Variants in SGCD observed in about 807,000 individuals in gnomAD.
The protein encoded by SGCD is sarcoglycan delta.
Under a neutral mutation model 36.6 loss-of-function variants are expected in SGCD, and 18 were observed. That is an observed-to-expected ratio of 0.49 (90% confidence interval 0.34 to 0.73). The LOEUF is 0.73. Among genes scored for constraint, SGCD ranks in the 30% least tolerant of loss-of-function variants. SGCD has a pLI of 0.01. For missense variants in SGCD, 387 were observed against 346.7 expected (o/e 1.12, Z -0.92); for synonymous variants, 133 against 130.6 (o/e 1.02, Z -0.12).
chr5:156,421,447 A>G (rs1320711992), intron 3 of SGCD, among the ~76,000 whole-genome samples: 1 of 152,100 alleles, frequency 6.6e-6, no homozygotes, highest in African/African-American at 2.4e-5. Context: ...TGTAAACTGG[A>G]TGCAAACAGG....
intron 3 of SGCD, among the ~76,000 whole-genome samples, chr5:156,306,109 G>A (rs188530322): frequency 4.1e-4 from 62 of 152,296 alleles, no homozygotes; most frequent in African/African-American, 1.4e-3. Flanking sequence ...GGGACTGTTG[G>A]GAAGGCATGA....
chr5:155,916,146 A>T (rs1327210311), intron 1 of SGCD, among the ~76,000 whole-genome samples: 1 of 152,202 alleles, frequency 6.6e-6, no homozygotes, highest in Admixed American at 6.5e-5. Flanking sequence ...AAAGAAAGTA[A>T]GTAATGTTTT....
chr5:156,399,769 G>T (rs369797198), intron 3 of SGCD, among the ~76,000 whole-genome samples: 25 of 152,240 alleles, frequency 1.6e-4, no homozygotes, highest in African/African-American at 5.3e-4. Flanking sequence ...CACGTTCATT[G>T]TTTATCTTTC....
At chr5:156,104,537 G>A (rs941595910) in intron 1 of SGCD, among the ~76,000 whole-genome samples, 2 of 151,918 alleles carry the variant, frequency 1.3e-5, no homozygotes, top group Non-Finnish European at 1.5e-5. Context: ...AGGTCATTGG[G>A]GTACATACTA....
intron 3 of SGCD, among the ~76,000 whole-genome samples, chr5:156,278,068 T>G (rs1378099336): frequency 1.3e-5 from 2 of 152,130 alleles, no homozygotes; most frequent in Admixed American, 1.3e-4. Flanking sequence ...AGGTGATGCT[T>G]GAGCTGGAAC....
At chr5:156,555,555 C>T (rs1758987140) in intron 4 of SGCD, among the ~76,000 whole-genome samples, 1 of 152,046 alleles carries the variant, frequency 6.6e-6, no homozygotes. Context: ...TTGCTGAATC[C>T]TCAATTTTAT....
At chr5:156,600,558 T>C (rs1761151172) in intron 6 of SGCD, among the ~76,000 whole-genome samples, 1 of 152,224 alleles carries the variant, frequency 6.6e-6, no homozygotes, top group South Asian at 2.1e-4. Flanking sequence ...CTTTATGTAT[T>C]CTTTTTTATG....
chr5:156,081,371 G>C (rs1164387223), intron 1 of SGCD, among the ~76,000 whole-genome samples: 1 of 152,060 alleles, frequency 6.6e-6, no homozygotes, highest in Non-Finnish European at 1.5e-5. Context: ...ATGAGATTTG[G>C]TGTAGACATA....
At chr5:156,717,533 A>G (rs992755584) in intron 7 of SGCD, among the ~76,000 whole-genome samples, 2 of 152,220 alleles carry the variant, frequency 1.3e-5, no homozygotes, top group Admixed American at 6.5e-5. Context: ...TCATGGGGGA[A>G]TTGCTGACGC....
chr5:156,589,055 G>A (rs989857902), intron 4 of SGCD, among the ~76,000 whole-genome samples, 176 bp from the exon 5 acceptor site: 9 of 149,212 alleles, frequency 6.0e-5, no homozygotes, highest in African/African-American at 2.2e-4. Context: ...GTTTTAGATA[G>A]ATGCTAGTTA....
At chr5:156,696,626 C>T (rs1754326763) in intron 7 of SGCD, among the ~76,000 whole-genome samples, 1 of 152,118 alleles carries the variant, frequency 6.6e-6, no homozygotes, top group Non-Finnish European at 1.5e-5. Context: ...TCTCCTGCCT[C>T]AGCCTCCTGA....
chr5:156,121,747 T>C (rs1762046229), intron 2 of SGCD, among the ~76,000 whole-genome samples: 1 of 152,206 alleles, frequency 6.6e-6, no homozygotes, highest in Non-Finnish European at 1.5e-5. Flanking sequence ...TAAATGCATC[T>C]CTTCCCTTTT....
chr5:156,102,226 C>G (rs912629934), intron 1 of SGCD, among the ~76,000 whole-genome samples: 4 of 151,584 alleles, frequency 2.6e-5, no homozygotes, highest in Non-Finnish European at 4.4e-5. Context: ...CCTTGGTAAC[C>G]TAAAATGAAA....
Position 156,757,581 on chromosome 5 carries a change from G to T in SGCD, c.576G>T (p.Arg192Ser). The change falls in exon 8 of 9, where the codon AGG (arginine) becomes AGT (serine). Residue 192 changes from arginine to serine, a missense_variant and splice_region_variant. Physicochemically the swap from Arg to Ser is moderately radical, Grantham distance 110. Coordinates refer to ENST00000337851, the MANE Select transcript of SGCD (RefSeq NM_000337.6). ...ATTGACGATCTTGGGTGTTTTTCAG[G>T]TTGGAGTCCCCAACCCGGTCTCTAG... ...NVRADPFKEL[R>S]LESPTRSLVM... The T allele has an allele frequency of 3.1e-6, 5 of 1,595,504 alleles. No homozygotes were observed. Among genetic ancestry groups the T allele is most frequent in the Non-Finnish European group, 4.3e-6 (5 of 1,169,286 alleles).
intron 3 of SGCD, among the ~76,000 whole-genome samples, chr5:156,190,065 T>C (rs896610395): frequency 3.3e-5 from 5 of 152,174 alleles, no homozygotes; most frequent in Non-Finnish European, 7.3e-5. Context: ...GGGCATTTCA[T>C]TGCATTCTGT....
chr5:156,368,920 C>T (rs188775423), intron 3 of SGCD, among the ~76,000 whole-genome samples: 2 of 152,292 alleles, frequency 1.3e-5, no homozygotes. Flanking sequence ...AAAAAAAGTG[C>T]ACAATAAATG....
chr5:155,813,509 C>G, the SGCD span, among the ~76,000 whole-genome samples: 1 of 152,162 alleles, frequency 6.6e-6, no homozygotes, highest in Non-Finnish European at 1.5e-5. Flanking sequence ...AGATTTTAAT[C>G]AAAGCCCTAA....
chr5:156,118,689 A>C (rs992544958), intron 2 of SGCD, among the ~76,000 whole-genome samples: 5 of 152,272 alleles, frequency 3.3e-5, no homozygotes, highest in African/African-American at 1.2e-4. Context: ...CATTTTTTCC[A>C]AAGTTCCTTT....
At chr5:156,395,694 A>C (rs953087532) in intron 3 of SGCD, among the ~76,000 whole-genome samples, 1 of 152,198 alleles carries the variant, frequency 6.6e-6, no homozygotes, top group Non-Finnish European at 1.5e-5. Context: ...CAACATTTGC[A>C]GAGAGGAAAA....
Sources: allele counts gnomAD v4.1 joint callset (sites outside exome capture counted in the v4.1 genomes callset), GRCh38; gene constraint gnomAD v4.1.1; transcripts MANE v1.5; gene names NCBI Gene and HGNC (gene_info 2026-07-23, HGNC 2026-07-21).